ZNF85: variants seen among roughly 807,000 people sequenced by gnomAD.
ZNF85 encodes the protein zinc finger protein 85.
Under a neutral mutation model 53.9 loss-of-function variants are expected in ZNF85, and 50 were observed. The observed-to-expected ratio is 0.93, with a 90% CI of 0.74 to 1.17. The LOEUF (loss-of-function observed/expected upper bound fraction) is 1.17, where lower values mean the gene tolerates loss of function less well. Ranked by LOEUF, ZNF85 falls within the 50% of genes most tolerant of loss-of-function variation. The pLI is 0.00. For synonymous variants in ZNF85, 225 were observed against 226.1 expected, an observed-to-expected ratio of 1.00 and a Z score of 0.04; for missense variants, 747 against 688.5, an observed-to-expected ratio of 1.08 and a Z score of -0.95.
rs566341045 is a variant in ZNF85 at position 20,949,287 on chromosome 19, A to T, written c.773A>T (p.Tyr258Phe). 1.2e-6 allele frequency: 2 copies of T among 1,609,050 alleles called. No individual in the cohort carries two copies. Among genetic ancestry groups the T allele is most frequent in the Admixed American group, 3.3e-5 (2 of 59,806 alleles). Residue 258 changes from tyrosine to phenylalanine, a missense_variant, in exon 4 of 4, where the codon TAC becomes TTC. Physicochemically the swap from Tyr to Phe is conservative, Grantham distance 22. Coordinates refer to ENST00000328178, the MANE Select transcript of ZNF85 (RefSeq NM_003429.5). ...AAAATTCATACTGGAGAGAAACCCT[A>T]CAAATGTGAAGAATGTGGCAAAACT... ...HKKIHTGEKPYKCEECGKTFN... is the reference protein window; with the variant it reads ...HKKIHTGEKPFKCEECGKTFN...
intron 3 of ZNF85, chr19:20,946,311 A>G (rs957616772): frequency 2.4e-6 from 1 of 418,068 alleles, no homozygotes; most frequent in African/African-American, 2.1e-5. Flanking sequence ...TTGTCTATCA[A>G]AAAGAATGTC....
intron 3 of ZNF85, among the ~76,000 whole-genome samples, chr19:20,940,547 A>AAG (rs201606764): frequency 6.6e-6 from 1 of 151,992 alleles, no homozygotes; most frequent in Non-Finnish European, 1.5e-5. Context: ...CAAAAAAAAA[A>AAG]TAGCTTTATA....
intron 1 of ZNF85, among the ~76,000 whole-genome samples, chr19:20,930,373 A>G (rs1360900873): frequency 2.7e-5 from 4 of 148,072 alleles, no homozygotes; most frequent in African/African-American, 1.0e-4. Flanking sequence ...TTAAATACAA[A>G]CACAGTAAAA....
intron 3 of ZNF85, among the ~76,000 whole-genome samples, 163 bp from the exon 4 acceptor site, chr19:20,948,581 A>G (rs1445122152): frequency 6.6e-6 from 1 of 152,024 alleles, no homozygotes; most frequent in African/African-American, 2.4e-5. Flanking sequence ...TTTGGTCAGT[A>G]TGTTTTTGTT....
At chr19:20,937,461 AG>A (rs1973187104) in intron 3 of ZNF85, 1 of 408,230 alleles carries the variant, frequency 2.4e-6, no homozygotes, top group Non-Finnish European at 4.9e-6. Context: ...GGTCTGCACT[AG>A]GGTCCGCCTT....
chr19:20,928,512 T>G (rs1972932548), intron 1 of ZNF85: 1 of 152,292 alleles, frequency 6.6e-6, no homozygotes, highest in African/African-American at 2.4e-5. Context: ...CCCCCTTTTC[T>G]TGCAGCTGCC....
In ZNF85 at chr19:20,950,066, G is replaced by A. The variant is rs766425320; in HGVS notation, c.1552G>A (p.Ala518Thr). The change falls in exon 4 of 4, where the codon GCT becomes ACT. Residue 518 changes from alanine (A) to threonine (T), a missense_variant. By Grantham distance (58) the Ala-to-Thr change is moderately conservative (BLOSUM62 0). Coordinates refer to ENST00000328178, the MANE Select transcript of ZNF85 (RefSeq NM_003429.5). ...KPYKCEECGK[A>T]FNQSSKLTKH... ...ATACAAATGTGAAGAATGTGGCAAAGCTTTTAACCAATCCTCAAAACTTAC... is the reference window on the plus strand; with the variant it reads ...ATACAAATGTGAAGAATGTGGCAAAACTTTTAACCAATCCTCAAAACTTAC... The A allele has an allele frequency of 8.7e-6, 14 of 1,613,032 alleles. No individual in the cohort carries two copies. The South Asian group carries it at 1.5e-4, about 18-fold the overall frequency.
At position 20,949,138 on chromosome 19, in the gene ZNF85, A is replaced by G. The variant is rs199935819; in HGVS notation, c.624A>G (p.Gly208=). 6.2e-7 allele frequency: 1 copy of G among 1,613,458 alleles called. No individual in the cohort carries two copies. Among genetic ancestry groups the G allele is most frequent in the Non-Finnish European group, 8.5e-7 (1 of 1,179,686 alleles). ...RVNFYKCEEC[G]KAFNWSSTLT... ...ATTTCTACAAATGTGAAGAATGTGGAAAAGCCTTTAACTGGTCCTCAACCC... is the reference window on the plus strand; with the variant it reads ...ATTTCTACAAATGTGAAGAATGTGGGAAAGCCTTTAACTGGTCCTCAACCC... Residue 208 remains glycine (G), a synonymous_variant, in exon 4 of 4, where the codon GGA becomes GGG. Coordinates refer to ENST00000328178, the MANE Select transcript of ZNF85 (RefSeq NM_003429.5).
intron 3 of ZNF85, among the ~76,000 whole-genome samples, chr19:20,948,302 A>G (rs1344691311): frequency 6.6e-6 from 1 of 152,078 alleles, no homozygotes; most frequent in African/African-American, 2.4e-5. Context: ...ATTCCAATGT[A>G]TACCATTTAT....
At chr19:20,925,866 G>A (rs1972869243) in intron 1 of ZNF85, among the ~76,000 whole-genome samples, 1 of 152,012 alleles carries the variant, frequency 6.6e-6, no homozygotes, top group African/African-American at 2.4e-5. Flanking sequence ...TCTTTTAATT[G>A]TAAATTGCAT....
chr19:20,944,422 A>G (rs1403207061), intron 3 of ZNF85: 1 of 150,254 alleles, frequency 6.7e-6, no homozygotes, highest in African/African-American at 2.4e-5. Context: ...TTTTATTTTG[A>G]AAAGTCTTTA....
rs531362574 is a variant in ZNF85, at chr19:20,950,281, C to T, written c.1767C>T (p.Thr589=). Residue 589 remains threonine (T), a synonymous_variant, in exon 4 of 4, where the codon ACC becomes ACT. Coordinates refer to ENST00000328178, the MANE Select transcript of ZNF85 (RefSeq NM_003429.5). The part of the protein sequence containing the change: ...SVLTKHKIIH[T]GEKLQI ...TTACTAAACATAAGATAATTCATAC[C>T]GGAGAAAAATTACAAATATGAAAAT... 6.6e-5 allele frequency: 100 copies of T among 1,523,626 alleles called. 1 individual carries two copies. The highest frequency in any genetic ancestry group is 5.7e-4 in the South Asian group (42 of 73,680). 94.4% of individuals were successfully genotyped at this position (1,523,626 alleles called of 1,614,324 possible).
chr19:20,931,548 G>A lies in ZNF85; in HGVS notation c.4-2476G>A, dbSNP rs567987801. Reference sequence around the variant, plus strand: ...TCCACCTTTGCACTAAAGGGTGGCCGCAGGACTGTTTCTGTTTGGATTTGG... The same window carrying A: ...TCCACCTTTGCACTAAAGGGTGGCCACAGGACTGTTTCTGTTTGGATTTGG... On this transcript the variant is annotated intron_variant, in intron 1 of 3. Coordinates refer to ENST00000328178, the MANE Select transcript of ZNF85 (RefSeq NM_003429.5). Among the ~76,000 whole-genome samples the A allele has an allele frequency of 1.2e-3, 177 of 151,856 alleles. 1 individual carries two copies. The highest frequency in any genetic ancestry group is 2.2e-3 in the Non-Finnish European group (153 of 68,000).
intron 3 of ZNF85, chr19:20,945,707 A>T (rs12976498): frequency 0.092 from 14,035 of 151,950 alleles, 787 homozygotes; most frequent in Non-Finnish European, 0.12. Flanking sequence ...CTGGTCTCGA[A>T]CTCCTGACCT....
intron 3 of ZNF85, chr19:20,943,603 A>G (rs946979600): frequency 2.6e-5 from 4 of 152,148 alleles, no homozygotes; most frequent in Admixed American, 2.6e-4. Context: ...TCTATGTGCA[A>G]AATAATATAT....
rs768974072 is a variant in ZNF85 at position 20,949,929 on chromosome 19, A to G, written c.1415A>G (p.His472Arg). Reference sequence around the variant, plus strand: ...AACCAGTCCTCAAATCTTACTAGACATAAGAAAAGTCATACAGAAGAGAAA... The same window carrying G: ...AACCAGTCCTCAAATCTTACTAGACGTAAGAAAAGTCATACAGAAGAGAAA... ...AFNQSSNLTR[H>R]KKSHTEEKPY... is the part of the protein sequence containing the mutation. Residue 472 changes from histidine (H) to arginine (R), a missense_variant, in exon 4 of 4, where the codon CAT (histidine) becomes CGT (arginine). By Grantham distance (29) the His-to-Arg change is conservative. Coordinates refer to ENST00000328178, the MANE Select transcript of ZNF85 (RefSeq NM_003429.5). The G allele has an allele frequency of 2.5e-6, 4 of 1,612,526 alleles. No individual in the cohort carries two copies. Among genetic ancestry groups the G allele is most frequent in the Middle Eastern group, 1.7e-4 (1 of 6,048 alleles).
Position 20,933,072 on chromosome 19 carries a change from G to A in ZNF85, c.4-952G>A, listed in dbSNP as rs930264478. 3.3e-4 allele frequency among the ~76,000 whole-genome samples: 50 copies of A among 151,642 alleles called. 1 individual carries two copies. Among genetic ancestry groups the A allele is most frequent in the Non-Finnish European group, 7.4e-5 (5 of 67,928 alleles). ...GCCGGGCATGGTGGTGGGCACCTGT[G>A]GCCCCAGCTACTTGGGAGGCTGAGG... On this transcript the variant is annotated intron_variant, in intron 1 of 3. Coordinates refer to ENST00000328178, the MANE Select transcript of ZNF85 (RefSeq NM_003429.5).
At chr19:20,948,103 G>A (rs1973466806) in intron 3 of ZNF85, among the ~76,000 whole-genome samples, 1 of 152,056 alleles carries the variant, frequency 6.6e-6, no homozygotes, top group South Asian at 2.1e-4. Context: ...GAGATTCTGA[G>A]AGTTTCTCTA....
chr19:20,942,002 ATGTCTTGAAGAGGT>A (rs1428546177), intron 3 of ZNF85, among the ~76,000 whole-genome samples: 1 of 152,102 alleles, frequency 6.6e-6, no homozygotes, highest in East Asian at 1.9e-4. Context: ...TTTCAACATT[ATGTCTTGAAGAGGT>A]TATCTTTTTT....
Sources: gnomAD v4.1 joint callset for allele counts (sites outside exome capture counted in the v4.1 genomes callset) on GRCh38, gnomAD v4.1.1 for gene constraint, MANE v1.5 for transcripts, NCBI Gene and HGNC (gene_info 2026-07-23, HGNC 2026-07-21) for gene names.